The following HS6ST2 variants were observed in gnomAD, a reference collection of about 807,000 sequenced individuals.
HS6ST2 encodes the protein heparan-sulfate 6-O-sulfotransferase 2.
Under a neutral mutation model 33.0 loss-of-function variants are expected in HS6ST2, and 17 were observed. That is an observed-to-expected ratio of 0.52 (90% CI 0.35 to 0.77). HS6ST2 has a LOEUF of 0.77. HS6ST2 is among the 30% of genes least tolerant of loss of function. The probability of loss-of-function intolerance (pLI) is 0.01; values close to 1 mark genes in which losing one functional copy is unlikely to be tolerated. For missense variants in HS6ST2, 519 were observed against 551.7 expected, an observed-to-expected ratio of 0.94 and a Z score of 0.59; for synonymous variants, 248 against 237.1, an observed-to-expected ratio of 1.05 and a Z score of -0.42.
chrX:132,644,810 C>T (rs929324499), intron 4 of HS6ST2, among the ~76,000 whole-genome samples: 1 of 111,055 alleles, frequency 9.0e-6, no homozygotes, highest in East Asian at 2.9e-4. Context: ...CCCTAAACTA[C>T]ACAGGCCCTG....
In HS6ST2 at chrX:132,638,421, T is replaced by C. The variant is rs188122330; in HGVS notation, c.1068-9328A>G. 2.4e-3 allele frequency among the ~76,000 whole-genome samples: 269 copies of C among 111,145 alleles called. 2 individuals are homozygous for C. Among genetic ancestry groups the C allele is most frequent in the Non-Finnish European group, 3.8e-3 (200 of 52,998 alleles). Reference sequence around the variant, plus strand: ...AGTGGCAGCAGTCTCATAAAAGAAGTGTGGGACTTCACAAGGGGACTACTT... The same window carrying C: ...AGTGGCAGCAGTCTCATAAAAGAAGCGTGGGACTTCACAAGGGGACTACTT... On this transcript the variant is annotated intron_variant, in intron 4 of 4. Transcript: ENST00000370833.
chrX:132,928,782 T>C (rs1317251645), intron 2 of HS6ST2, among the ~76,000 whole-genome samples: 1 of 111,494 alleles, frequency 9.0e-6, no homozygotes, highest in African/African-American at 3.3e-5. Flanking sequence ...CTGCTAGCTC[T>C]GTAACCCCAG....
At chrX:132,893,274 CA>C (rs2066334639) in intron 2 of HS6ST2, among the ~76,000 whole-genome samples, 1 of 112,258 alleles carries the variant, frequency 8.9e-6, no homozygotes, top group Non-Finnish European at 1.9e-5. Context: ...AGCAGCACCA[CA>C]AAGGGTTGTT....
At chrX:132,879,234 T>C (rs2148438458) in intron 2 of HS6ST2, among the ~76,000 whole-genome samples, 1 of 111,468 alleles carries the variant, frequency 9.0e-6, no homozygotes, top group African/African-American at 3.3e-5. Context: ...GCTAACCTCA[T>C]GGGGAATTAT....
intron 4 of HS6ST2, among the ~76,000 whole-genome samples, chrX:132,653,342 AATAGACC>A (rs1340525199): frequency 8.9e-6 from 1 of 112,456 alleles, no homozygotes; most frequent in Non-Finnish European, 1.9e-5. Flanking sequence ...ATGTGTTCTT[AATAGACC>A]ATTATAAACA....
intron 2 of HS6ST2, among the ~76,000 whole-genome samples, chrX:132,876,862 G>A (rs2066112569): frequency 8.9e-6 from 1 of 112,102 alleles, no homozygotes; most frequent in African/African-American, 3.2e-5. Flanking sequence ...GAAATGTAGA[G>A]GGGAAAACAT....
chrX:132,958,514 C>T lies in HS6ST2; in HGVS notation c.89G>A (p.Arg30Gln), dbSNP rs769385715. Residue 30 changes from arginine to glutamine, a missense_variant, in exon 1 of 5, where the codon CGG (arginine) becomes CAG (glutamine). Coordinates refer to ENST00000370833, the MANE Select transcript of HS6ST2 (RefSeq NM_001394073.1). ...CAATTCGGCCTCTACTCTGGAATGCCGGCGGGGACAGGTGGTGCGGACGGG... is the reference window on the plus strand; with the variant it reads ...CAATTCGGCCTCTACTCTGGAATGCTGGCGGGGACAGGTGGTGCGGACGGG... ...GAPVRTTCPR[R>Q]HSRVEAELAA... 5.1e-6 allele frequency: 6 copies of T among 1,187,782 alleles called. No individual in the cohort carries two copies. In the Admixed American group the frequency reaches 6.9e-5, roughly 14 times the overall value.
At chrX:132,639,117 T>G (rs1320545581) in intron 4 of HS6ST2, among the ~76,000 whole-genome samples, 1 of 112,455 alleles carries the variant, frequency 8.9e-6, no homozygotes, top group Non-Finnish European at 1.9e-5. Flanking sequence ...TCTAATGCCT[T>G]TGAATTCAAA....
intron 2 of HS6ST2, among the ~76,000 whole-genome samples, chrX:132,708,966 A>T (rs1406931328): frequency 8.9e-6 from 1 of 112,547 alleles, no homozygotes; most frequent in Non-Finnish European, 1.9e-5. Context: ...ACAAAAGGAA[A>T]ATAAAGAACA....
At chrX:132,677,556 T>C (rs1403551097) in intron 3 of HS6ST2, among the ~76,000 whole-genome samples, 1 of 112,226 alleles carries the variant, frequency 8.9e-6, no homozygotes, top group East Asian at 2.8e-4. Flanking sequence ...TTCTAACATG[T>C]TTACTGAATT....
At chrX:132,831,003 C>G (rs2065584269) in intron 2 of HS6ST2, among the ~76,000 whole-genome samples, 1 of 111,886 alleles carries the variant, frequency 8.9e-6, no homozygotes, top group Non-Finnish European at 1.9e-5. Context: ...ACAGGGAAGA[C>G]ACTAGGGGTT....
chrX:132,722,044 C>T (rs761496017), intron 2 of HS6ST2, among the ~76,000 whole-genome samples: 223 of 108,782 alleles, frequency 2.0e-3, no homozygotes, highest in African/African-American at 7.1e-3. Flanking sequence ...AAAAATTAGC[C>T]GGGCGTGTTG....
chrX:132,655,625 GTGCAATGGTA>G (rs1288943530), intron 4 of HS6ST2, among the ~76,000 whole-genome samples: 21 of 110,886 alleles, frequency 1.9e-4, no homozygotes, highest in African/African-American at 6.9e-4. Context: ...TTCAAGATAG[GTGCAATGGTA>G]TGGAAAAGCA....
chrX:132,961,325 C>T (rs887770355), upstream of HS6ST2: 1 of 110,703 alleles, frequency 9.0e-6, no homozygotes, highest in African/African-American at 3.3e-5. Flanking sequence ...CATTATTTTC[C>T]CAGAACCGTC....
At chrX:132,767,711 A>G (rs1205003804) in intron 2 of HS6ST2, among the ~76,000 whole-genome samples, 1 of 111,313 alleles carries the variant, frequency 9.0e-6, no homozygotes, top group Admixed American at 9.6e-5. Context: ...CACTCCTCTC[A>G]ACTGCCCTTT....
chrX:132,956,990 C>T lies in HS6ST2; in HGVS notation c.765G>A (p.Pro255=). ...TCTTCTGACCCACGCGGCACTCGCA[C>T]GGCTGCTCCAGCTGGATGTTACGCA... ...HLVRNIQLEQ[P]CECRVGQKKC... The change falls in exon 2 of 5, where the codon CCG becomes CCA. Residue 255 remains proline (P), a synonymous_variant. Coordinates refer to ENST00000370833, the MANE Select transcript of HS6ST2 (RefSeq NM_001394073.1). 2 of 1,211,344 alleles carry T rather than the reference C, an allele frequency of 1.7e-6. No individual in the cohort carries two copies. Among genetic ancestry groups the T allele is most frequent in the Non-Finnish European group, 2.2e-6 (2 of 895,164 alleles).
chrX:132,662,898 C>T (rs1045752740), intron 4 of HS6ST2, among the ~76,000 whole-genome samples: 2 of 111,931 alleles, frequency 1.8e-5, no homozygotes, highest in African/African-American at 6.5e-5. Flanking sequence ...AGCAGACAAC[C>T]AGAAAAACTG....
In HS6ST2 at chrX:132,838,753, A is replaced by G. The variant is rs999977919; in HGVS notation, c.947+118055T>C. The stretch of plus-strand genomic sequence containing the variant: ...GTAAATGACAAGTCAAGTGTGAGGA[A>G]CATACCACCTGCCGTCACTATTTTT... On this transcript the variant is annotated intron_variant, in intron 2 of 4. Coordinates refer to ENST00000370833, the MANE Select transcript of HS6ST2 (RefSeq NM_001394073.1). Among the ~76,000 whole-genome samples the G allele has an allele frequency of 1.2e-4, 13 of 110,465 alleles. 1 individual carries two copies. Among genetic ancestry groups the G allele is most frequent in the South Asian group, 3.9e-4 (1 of 2,540 alleles).
At chrX:132,957,977 G>A (rs1424446638) in intron 1 of HS6ST2, among the ~76,000 whole-genome samples, 198 bp downstream of exon 1, 1 of 111,852 alleles carries the variant, frequency 8.9e-6, no homozygotes, top group African/African-American at 3.2e-5. Context: ...CTGCGCTGCC[G>A]GTGCCCGCGG....
Sources: allele counts gnomAD v4.1 joint callset (sites outside exome capture counted in the v4.1 genomes callset), GRCh38; gene constraint gnomAD v4.1.1; transcripts MANE v1.5; gene names NCBI Gene and HGNC (gene_info 2026-07-23, HGNC 2026-07-21).